Variants in ELAC2 observed in about 807,000 individuals in gnomAD.
The protein encoded by ELAC2 is elaC ribonuclease Z 2.
ELAC2 carries 92 observed loss-of-function variants against 105.2 expected under a neutral mutation model. The ratio of observed to expected loss-of-function variants is 0.87; its 90% CI spans 0.74 to 1.04. The LOEUF (loss-of-function observed/expected upper bound fraction) is 1.04. Ranked by LOEUF, ELAC2 falls within the 50% of genes least tolerant of loss-of-function variation. The probability of loss-of-function intolerance (pLI) is 0.00; values close to 1 mark genes in which losing one functional copy is unlikely to be tolerated. For missense variants in ELAC2, 1,099 were observed against 1,071.7 expected (o/e 1.03, Z -0.36); for synonymous variants, 468 against 409.1 (o/e 1.14, Z -1.74).
intron 4 of ELAC2, 97 bp downstream of exon 4, chr17:13,015,671 T>C: frequency 9.9e-7 from 1 of 1,010,984 alleles, no homozygotes; most frequent in Non-Finnish European, 1.6e-6. Flanking sequence ...CAGGTATCTC[T>C]GGAGGGCAGA....
Position 13,017,394 on chromosome 17 carries a change from C to T in ELAC2, c.246-273G>A. On this transcript the variant is annotated intron_variant, in intron 1 of 23. Coordinates refer to ENST00000338034, the MANE Select transcript of ELAC2 (RefSeq NM_018127.7). ...ACACCAGATCTGTCCACCCCACACGCTAACAACGACACACTGGCCTTGGGG... is the reference window on the plus strand; with the variant it reads ...ACACCAGATCTGTCCACCCCACACGTTAACAACGACACACTGGCCTTGGGG... 3 of 630,472 alleles carry T rather than the reference C, an allele frequency of 4.8e-6. 1 individual carries two copies. Among genetic ancestry groups the T allele is most frequent in the Non-Finnish European group, 5.5e-6 (2 of 366,096 alleles). The allele number at this position is 630,472 out of a possible 1,614,324, so 39.1% of individuals were successfully genotyped here. A position where few individuals can be genotyped will look rare whatever the true frequency, so the allele number is the denominator to read the frequency against.
chr17:12,994,296 G>A (rs1401930202), intron 22 of ELAC2, 129 bp downstream of exon 22: 17 of 1,076,916 alleles, frequency 1.6e-5, no homozygotes, highest in Non-Finnish European at 2.3e-5. Context: ...ACAGGTCAAG[G>A]AAGCCCCCAT....
chr17:12,995,635 A>C (rs2040430027), intron 19 of ELAC2, 68 bp downstream of exon 19: 5 of 1,466,908 alleles, frequency 3.4e-6, no homozygotes, highest in Non-Finnish European at 4.7e-6. Context: ...CCCAGTGTCC[A>C]CCTTGAGCTT....
chr17:13,010,200 T>C (rs2041340076), intron 8 of ELAC2, among the ~76,000 whole-genome samples: 1 of 152,068 alleles, frequency 6.6e-6, no homozygotes, highest in African/African-American at 2.4e-5. Flanking sequence ...TGAGAGAGTC[T>C]TGCTCTGTCA....
chr17:13,000,809 CT>C, intron 14 of ELAC2: 1 of 175,522 alleles, frequency 5.7e-6, no homozygotes. Context: ...GTGGCAACTC[CT>C]TGGACAGGCG....
intron 14 of ELAC2, among the ~76,000 whole-genome samples, chr17:13,001,091 C>T (rs117213015): frequency 0.018 from 2,670 of 152,294 alleles, 72 homozygotes; most frequent in East Asian, 0.12. Flanking sequence ...AGGGCCCCAA[C>T]TACCCAACCT....
At chr17:13,000,310 C>G (rs1171222084) in intron 14 of ELAC2, 36 bp from the exon 15 acceptor site, 2 of 1,591,724 alleles carry the variant, frequency 1.3e-6, no homozygotes, top group African/African-American at 2.7e-5. Context: ...AGGTGACGGA[C>G]AGGGTATATG....
intron 13 of ELAC2, 34 bp from the exon 14 acceptor site, chr17:13,002,393 G>C (rs747408946): frequency 1.2e-6 from 2 of 1,614,052 alleles, no homozygotes; most frequent in Admixed American, 3.3e-5. Flanking sequence ...TGGAGAGAAA[G>C]AGAGGGGACG....
At chr17:13,001,985 C>A (rs1328224642) in intron 14 of ELAC2, among the ~76,000 whole-genome samples, 1 of 152,210 alleles carries the variant, frequency 6.6e-6, no homozygotes, top group Admixed American at 6.5e-5. Context: ...TCTATCACTG[C>A]TATTCCCATG....
intron 16 of ELAC2, 24 bp from the exon 17 acceptor site, chr17:12,996,709 G>A (rs887895464): frequency 3.7e-6 from 6 of 1,610,402 alleles, no homozygotes; most frequent in Admixed American, 1.7e-5. Context: ...GAGGAAGAGA[G>A]TCACTGCCAC....
intron 13 of ELAC2, 25 bp from the exon 14 acceptor site, chr17:13,002,384 G>A: frequency 6.2e-7 from 1 of 1,614,212 alleles, no homozygotes; most frequent in Non-Finnish European, 8.5e-7. Context: ...ACACATTCAT[G>A]GAGAGAAAGA....
intron 8 of ELAC2, 113 bp from the exon 9 acceptor site, chr17:13,006,092 C>T (rs1598240266): frequency 1.8e-6 from 2 of 1,135,220 alleles, no homozygotes; most frequent in Non-Finnish European, 2.6e-6. Context: ...TAATGTTGGC[C>T]AGGCACGGTG....
intron 15 of ELAC2, 70 bp downstream of exon 15, chr17:13,000,086 T>C (rs1598216107): frequency 6.8e-7 from 1 of 1,464,122 alleles, no homozygotes; most frequent in South Asian, 1.1e-5. Flanking sequence ...AGCACTCCAC[T>C]TAATGCTAGG....
rs11545303 is a variant in ELAC2, at chr17:12,995,788, G to A, written c.1723C>T (p.Pro575Ser). The A allele has an allele frequency of 6.2e-7, 1 of 1,612,210 alleles. No homozygotes were observed. Among genetic ancestry groups the A allele is most frequent in the Non-Finnish European group, 8.5e-7 (1 of 1,179,212 alleles). ...TGGTTGGGGGCAACCACCAGCAAAG[G>A]GTGAAGCGGCTTTCCCAAAGATGCC... The part of the protein sequence containing the change: ...ALASLGKPLH[P>S]LLVVAPNQLK... The change falls in exon 19 of 24, where the codon CCT becomes TCT. Residue 575 changes from proline to serine, a missense_variant. Coordinates refer to ENST00000338034, the MANE Select transcript of ELAC2 (RefSeq NM_018127.7).
At chr17:12,995,571 C>T in intron 19 of ELAC2, 132 bp downstream of exon 19, 1 of 837,966 alleles carries the variant, frequency 1.2e-6, no homozygotes, top group Non-Finnish European at 2.0e-6. Flanking sequence ...TCCCCTGCTT[C>T]TGCCATCTGG....
intron 14 of ELAC2, among the ~76,000 whole-genome samples, chr17:13,001,110 C>G (rs2040780479): frequency 6.6e-6 from 1 of 152,162 alleles, no homozygotes. Flanking sequence ...CTCAACAGCA[C>G]ACAGCATCCA....
intron 8 of ELAC2, among the ~76,000 whole-genome samples, chr17:13,007,943 G>A (rs1372588189): frequency 6.6e-6 from 1 of 152,060 alleles, no homozygotes; most frequent in Non-Finnish European, 1.5e-5. Context: ...GTTCACTCCT[G>A]TAACCCCAGC....
Position 13,005,977 on chromosome 17 carries a change from A to G in ELAC2, c.741T>C (p.Leu247=). ...CCAAGAAGTTTCCTCTCTTTAAGTG[A>G]AGCTGCAACAAAGAGAACATAGATG... ...SSLVVAFICK[L]HLKRGNFLVL... is the part of the protein sequence containing the mutation. Residue 247 remains leucine (L), a splice_region_variant and synonymous_variant, in exon 9 of 24, where the codon CTT becomes CTC. Coordinates refer to ENST00000338034, the MANE Select transcript of ELAC2 (RefSeq NM_018127.7). 1 of 1,614,186 alleles carries G rather than the reference A, an allele frequency of 6.2e-7. No individual in the cohort carries two copies. The highest frequency in any genetic ancestry group is 8.5e-7 in the Non-Finnish European group (1 of 1,180,002).
In ELAC2 at chr17:12,994,741, GGCTT is replaced by G. The variant is rs1489551447; in HGVS notation, c.2029+19_2029+22del. 3 of 1,613,666 alleles carry G rather than the reference GGCTT, an allele frequency of 1.9e-6. No homozygotes were observed. Among genetic ancestry groups the G allele is most frequent in the Non-Finnish European group, 2.5e-6 (3 of 1,180,032 alleles). ...ACAAACCCCAGAGCAACCTCAGGGT[GGCTT>G]GCTTCTTCCTCTACTCACCCATCCG... On this transcript the variant is annotated intron_variant, in intron 21 of 23. Transcript: ENST00000338034.
Sources: allele counts gnomAD v4.1 joint callset (sites outside exome capture counted in the v4.1 genomes callset), GRCh38; gene constraint gnomAD v4.1.1; transcripts MANE v1.5; gene names NCBI Gene and HGNC (gene_info 2026-07-23, HGNC 2026-07-21).